The following TSHR variants were observed in gnomAD, a reference collection of about 807,000 sequenced individuals.
The protein encoded by TSHR is thyrotropin receptor.
In TSHR, 51 loss-of-function variants were observed where a neutral mutation model predicts 64.1. The observed-to-expected ratio is 0.80, with a 90% CI of 0.64 to 1.01. TSHR has a LOEUF of 1.01. Ranked by LOEUF, TSHR falls within the 50% of genes least tolerant of loss-of-function variation. TSHR has a pLI of 0.00. For synonymous variants in TSHR, 361 were observed against 361.9 expected, an observed-to-expected ratio of 1.00 and a Z score of 0.03; for missense variants, 877 against 942.8, an observed-to-expected ratio of 0.93 and a Z score of 0.91.
At chr14:80,973,793 A>C (rs923201665) in intron 1 of TSHR, among the ~76,000 whole-genome samples, 1 of 152,172 alleles carries the variant, frequency 6.6e-6, no homozygotes, top group Non-Finnish European at 1.5e-5. Context: ...AATTTAACCA[A>C]TGTGCCAAGG....
chr14:81,039,352 G>T (rs1339159276), intron 1 of TSHR, among the ~76,000 whole-genome samples: 1 of 151,756 alleles, frequency 6.6e-6, no homozygotes, highest in East Asian at 1.9e-4. Context: ...ACATGATAAA[G>T]GCCAAATATG....
At chr14:80,961,665 A>T (rs1203754660) in intron 1 of TSHR, among the ~76,000 whole-genome samples, 1 of 152,198 alleles carries the variant, frequency 6.6e-6, no homozygotes, top group Admixed American at 6.5e-5. Flanking sequence ...CACACACAAA[A>T]AAAACAGTTA....
intron 1 of TSHR, among the ~76,000 whole-genome samples, chr14:80,990,952 G>T (rs1888697678): frequency 6.6e-6 from 1 of 152,204 alleles, no homozygotes. Context: ...ACTGCGCCTG[G>T]CTGAAACAGA....
In TSHR at chr14:81,144,560, C is replaced by T; in HGVS notation, c.*207C>T. 1 of 612,318 alleles carries T rather than the reference C, an allele frequency of 1.6e-6. No individual in the cohort carries two copies. Among genetic ancestry groups the T allele is most frequent in the Non-Finnish European group, 2.9e-6 (1 of 350,772 alleles). 37.9% of individuals were successfully genotyped at this position (612,318 alleles called of 1,614,324 possible). On this transcript the variant is annotated 3_prime_UTR_variant, in exon 10 of 10. Coordinates refer to ENST00000298171, the MANE Select transcript of TSHR (RefSeq NM_000369.5). Reference sequence around the variant, plus strand: ...GCCCCCAAGAAGGAAGTTAGGCTACCAGCATATTTGAATGCCAGGTGAAAT... The same window carrying T: ...GCCCCCAAGAAGGAAGTTAGGCTACTAGCATATTTGAATGCCAGGTGAAAT...
At chr14:81,042,617 G>C (rs113624129) in intron 1 of TSHR, among the ~76,000 whole-genome samples, 3 of 150,508 alleles carry the variant, frequency 2.0e-5, no homozygotes, top group African/African-American at 7.3e-5. Flanking sequence ...GTAGGGAAGT[G>C]GTGACCACAG....
chr14:81,114,458 T>C (rs1249528488), intron 8 of TSHR, among the ~76,000 whole-genome samples: 1 of 152,154 alleles, frequency 6.6e-6, no homozygotes, highest in African/African-American at 2.4e-5. Flanking sequence ...ACCCGAATAC[T>C]GCGCTTTTCC....
At position 81,104,140 on chromosome 14, in the gene TSHR, G is replaced by A. The variant is rs1340051277; in HGVS notation, c.615-4235G>A. On this transcript the variant is annotated intron_variant, in intron 7 of 9. Transcript: ENST00000298171. The stretch of plus-strand genomic sequence containing the variant: ...TGACTTTTCCCTCTGCCTATTGAGA[G>A]CTTGAGTATTTTCTCACAGGTTACT... 6.1e-6 allele frequency: 6 copies of A among 985,308 alleles called. No homozygotes were observed. The African/African-American group carries it at 8.7e-5, about 14-fold the overall frequency. 61.0% of individuals were successfully genotyped at this position (985,308 alleles called of 1,614,324 possible).
chr14:81,120,811 A>G (rs1277429980), intron 8 of TSHR, among the ~76,000 whole-genome samples: 1 of 152,236 alleles, frequency 6.6e-6, no homozygotes, highest in Admixed American at 6.5e-5. Context: ...AACTTTCATG[A>G]AAGTTATAAC....
At chr14:81,105,365 T>C (rs1032274771) in intron 7 of TSHR, among the ~76,000 whole-genome samples, 11 of 152,214 alleles carry the variant, frequency 7.2e-5, no homozygotes, top group African/African-American at 2.7e-4. Flanking sequence ...AGCAAGCTGA[T>C]GCAAGGTTGA....
At chr14:80,981,953 C>A in intron 1 of TSHR, 2 of 293,128 alleles carry the variant, frequency 6.8e-6, no homozygotes, top group Non-Finnish European at 1.4e-5. Context: ...GAACCAAGGA[C>A]AAGATGGACA....
intron 7 of TSHR, among the ~76,000 whole-genome samples, chr14:81,098,467 C>T (rs1461430088): frequency 6.6e-6 from 1 of 152,120 alleles, no homozygotes; most frequent in African/African-American, 2.4e-5. Context: ...GTATGAATTT[C>T]ACCAAATATT....
chr14:80,967,380 A>T (rs1247718065), intron 1 of TSHR, among the ~76,000 whole-genome samples: 2 of 147,260 alleles, frequency 1.4e-5, no homozygotes, highest in African/African-American at 5.0e-5. Flanking sequence ...GCACCTCCGG[A>T]TTCAAGCAGT....
intron 1 of TSHR, among the ~76,000 whole-genome samples, chr14:81,030,274 AT>A (rs1042784461): frequency 8.9e-4 from 135 of 152,092 alleles, no homozygotes; most frequent in African/African-American, 3.2e-3. Flanking sequence ...AACCTAGTTC[AT>A]TTTTTTTCTT....
chr14:81,118,802 A>G (rs1298084175), intron 8 of TSHR, among the ~76,000 whole-genome samples: 2 of 151,428 alleles, frequency 1.3e-5, no homozygotes, highest in African/African-American at 4.9e-5. Flanking sequence ...AGTAAGCAAA[A>G]CAGCATGGTA....
At chr14:80,998,360 C>A (rs1889133975) in intron 1 of TSHR, among the ~76,000 whole-genome samples, 1 of 151,976 alleles carries the variant, frequency 6.6e-6, no homozygotes, top group Non-Finnish European at 1.5e-5. Flanking sequence ...CTGAACAGAA[C>A]AGATAAGTTG....
intron 1 of TSHR, among the ~76,000 whole-genome samples, chr14:80,965,320 C>T (rs1175365494): frequency 1.3e-5 from 2 of 152,202 alleles, no homozygotes; most frequent in Non-Finnish European, 1.5e-5. Context: ...ATAGAGCCTC[C>T]AGTGGTATAG....
intron 1 of TSHR, among the ~76,000 whole-genome samples, chr14:81,021,868 A>G (rs1188599625): frequency 1.3e-5 from 2 of 152,148 alleles, no homozygotes; most frequent in African/African-American, 2.4e-5. Flanking sequence ...TGACCTACCT[A>G]TATTCTTTTC....
At position 81,077,208 on chromosome 14, in the gene TSHR, T is replaced by A. The variant is rs557748765; in HGVS notation, c.317+8880T>A. ...AAAATTTAGTATGACAATGCAGATG[T>A]TTGATAATAATAGGTCTCTGGAAGG... On this transcript the variant is annotated intron_variant, in intron 3 of 9. Coordinates refer to ENST00000298171, the MANE Select transcript of TSHR (RefSeq NM_000369.5). 1.4e-4 allele frequency among the ~76,000 whole-genome samples: 22 copies of A among 152,324 alleles called. No homozygotes were observed. In the South Asian group the frequency reaches 4.6e-3, roughly 32 times the overall value.
chr14:80,998,092 G>T (rs1178565496), intron 1 of TSHR, among the ~76,000 whole-genome samples: 1 of 152,138 alleles, frequency 6.6e-6, no homozygotes, highest in Non-Finnish European at 1.5e-5. Flanking sequence ...AAGGATTAAT[G>T]AAGTAATTTA....
Sources: allele counts gnomAD v4.1 joint callset (sites outside exome capture counted in the v4.1 genomes callset), GRCh38; gene constraint gnomAD v4.1.1; transcripts MANE v1.5; gene names NCBI Gene and HGNC (gene_info 2026-07-23, HGNC 2026-07-21).